SGCD: variants seen among roughly 807,000 people sequenced by gnomAD.
SGCD encodes the protein sarcoglycan delta, also known as delta-sarcoglycan.
A neutral mutation model predicts 36.6 loss-of-function variants in SGCD; 18 were observed. The observed-to-expected ratio is 0.49, with a 90% CI of 0.34 to 0.73. The LOEUF (loss-of-function observed/expected upper bound fraction) is 0.73, where lower values mean the gene tolerates loss of function less well. SGCD is among the 30% of genes least tolerant of loss of function. The pLI is 0.01. For missense variants in SGCD, 387 were observed against 346.7 expected, an observed-to-expected ratio of 1.12 and a Z score of -0.92; for synonymous variants, 133 against 130.6, an observed-to-expected ratio of 1.02 and a Z score of -0.12.
At chr5:156,315,683 C>T (rs371594113) in intron 3 of SGCD, among the ~76,000 whole-genome samples, 14 of 151,998 alleles carry the variant, frequency 9.2e-5, no homozygotes, top group African/African-American at 3.4e-4. Flanking sequence ...CAGCAATATG[C>T]AAGGGTTCTC....
At chr5:156,554,524 A>G (rs1758932599) in intron 4 of SGCD, among the ~76,000 whole-genome samples, 2 of 150,096 alleles carry the variant, frequency 1.3e-5, no homozygotes, top group African/African-American at 2.5e-5. Flanking sequence ...CTGTTTGTGT[A>G]TATATGTGTG....
the SGCD span, among the ~76,000 whole-genome samples, chr5:155,788,440 A>G: frequency 6.6e-6 from 1 of 152,170 alleles, no homozygotes; most frequent in Admixed American, 6.6e-5. Flanking sequence ...ATGTGATAAT[A>G]TCCAAATTTT....
At chr5:156,419,351 A>G (rs1445661099) in intron 3 of SGCD, among the ~76,000 whole-genome samples, 2 of 152,176 alleles carry the variant, frequency 1.3e-5, no homozygotes, top group Non-Finnish European at 2.9e-5. Context: ...TTTTCTGTAC[A>G]GCCTATGGTC....
intron 2 of SGCD, among the ~76,000 whole-genome samples, chr5:156,123,102 A>G (rs527362604): frequency 6.6e-6 from 1 of 152,180 alleles, no homozygotes; most frequent in Non-Finnish European, 1.5e-5. Context: ...GCTGATGACT[A>G]AGTCATGACC....
At chr5:156,577,649 T>C (rs980575799) in intron 4 of SGCD, among the ~76,000 whole-genome samples, 1 of 152,220 alleles carries the variant, frequency 6.6e-6, no homozygotes, top group African/African-American at 2.4e-5. Flanking sequence ...GTAAATTGGA[T>C]TTCTAGGTAT....
At chr5:156,247,222 G>T (rs1765460377) in intron 3 of SGCD, among the ~76,000 whole-genome samples, 1 of 152,126 alleles carries the variant, frequency 6.6e-6, no homozygotes. Flanking sequence ...GATATAGGAA[G>T]GATTCTGCGG....
chr5:156,084,005 T>C (rs1053574952), intron 1 of SGCD, among the ~76,000 whole-genome samples: 2 of 152,198 alleles, frequency 1.3e-5, no homozygotes, highest in Non-Finnish European at 2.9e-5. Context: ...TACTTAGCCA[T>C]ACAGTAAACC....
At chr5:156,733,082 C>G (rs1282206880) in intron 7 of SGCD, among the ~76,000 whole-genome samples, 1 of 151,706 alleles carries the variant, frequency 6.6e-6, no homozygotes, top group African/African-American at 2.4e-5. Flanking sequence ...CAGCTCTGAT[C>G]TTGCTTTGAG....
Position 156,497,145 on chromosome 5 carries a change from C to T in SGCD, c.193-11456C>T, listed in dbSNP as rs115564714. On this transcript the variant is annotated intron_variant, in intron 3 of 8. Transcript: ENST00000337851. ...TAGCCAGGATATTAAAATGCTCTCC[C>T]TCGTTTTCTTTCTCACTCTCCTGCA... Among the ~76,000 whole-genome samples the T allele has an allele frequency of 3.5e-3, 534 of 151,834 alleles. 2 individuals are homozygous for T. The highest frequency in any genetic ancestry group is 6.4e-3 in the Non-Finnish European group (438 of 67,970).
At chr5:156,606,056 C>T (rs978746173) in intron 6 of SGCD, among the ~76,000 whole-genome samples, 4 of 152,130 alleles carry the variant, frequency 2.6e-5, no homozygotes, top group Non-Finnish European at 5.9e-5. Flanking sequence ...TTAATTAGAT[C>T]CCATTTGTCA....
At chr5:155,823,410 G>T in the SGCD span, among the ~76,000 whole-genome samples, 1 of 151,980 alleles carries the variant, frequency 6.6e-6, no homozygotes, top group African/African-American at 2.4e-5. Flanking sequence ...CCACATTTGG[G>T]AGGAAAATCA....
At chr5:155,850,742 C>T in the SGCD span, among the ~76,000 whole-genome samples, 8 of 152,264 alleles carry the variant, frequency 5.3e-5, no homozygotes, top group African/African-American at 1.9e-4. Context: ...TTCCTTTTGC[C>T]TTTTCCCTTG....
intron 3 of SGCD, among the ~76,000 whole-genome samples, chr5:156,358,954 TG>T (rs1310090397): frequency 2.0e-5 from 3 of 152,098 alleles, no homozygotes; most frequent in African/African-American, 7.2e-5. Context: ...CTTATGCTGT[TG>T]AACATTTGGT....
chr5:156,587,692 CT>C (rs556269338), intron 4 of SGCD, among the ~76,000 whole-genome samples: 87 of 152,188 alleles, frequency 5.7e-4, no homozygotes, highest in Non-Finnish European at 1.1e-3. Flanking sequence ...CTATGACTTT[CT>C]TTTTTCATTT....
chr5:155,993,047 A>G (rs1758466091), intron 1 of SGCD, among the ~76,000 whole-genome samples: 2 of 152,110 alleles, frequency 1.3e-5, no homozygotes, highest in African/African-American at 4.8e-5. Context: ...GATAGCTCCT[A>G]CACCCAAGAT....
At chr5:155,915,245 C>T (rs1459790427) in intron 1 of SGCD, among the ~76,000 whole-genome samples, 2 of 152,154 alleles carry the variant, frequency 1.3e-5, no homozygotes, top group Non-Finnish European at 2.9e-5. Flanking sequence ...TTTTATTCCT[C>T]AGATGTACTG....
At chr5:156,488,098 G>GTTT (rs559483068) in intron 3 of SGCD, among the ~76,000 whole-genome samples, 34 of 92,524 alleles carry the variant, frequency 3.7e-4, no homozygotes, top group East Asian at 3.4e-3. Context: ...TTGAAGACAG[G>GTTT]TTTTTTTTTT....
intron 3 of SGCD, among the ~76,000 whole-genome samples, chr5:156,294,224 G>T (rs1766836387): frequency 6.9e-6 from 1 of 145,282 alleles, no homozygotes; most frequent in Non-Finnish European, 1.5e-5. Flanking sequence ...TTATAACAGA[G>T]ATTTTTTGGT....
chr5:156,117,622 G>A (rs1458637433), intron 1 of SGCD, among the ~76,000 whole-genome samples: 1 of 152,060 alleles, frequency 6.6e-6, no homozygotes, highest in Non-Finnish European at 1.5e-5. Context: ...CTTTAAAATT[G>A]ATTATCACAA....
Sources: allele counts gnomAD v4.1 joint callset (sites outside exome capture counted in the v4.1 genomes callset), GRCh38; gene constraint gnomAD v4.1.1; transcripts MANE v1.5; gene names NCBI Gene and HGNC (gene_info 2026-07-23, HGNC 2026-07-21).